Variants in NEURL1 observed in about 807,000 individuals in gnomAD.
The protein encoded by NEURL1 is E3 ubiquitin-protein ligase NEURL1.
In NEURL1, 26 loss-of-function variants were observed where a neutral mutation model predicts 41.2. The observed-to-expected ratio is 0.63, with a 90% CI of 0.46 to 0.87. NEURL1 has a LOEUF of 0.87. NEURL1 is among the 40% of genes least tolerant of loss of function. NEURL1 has a pLI of 0.00. For synonymous variants in NEURL1, 400 were observed against 402.3 expected (o/e 0.99, Z 0.07); for missense variants, 761 against 871.1 (o/e 0.87, Z 1.59).
Position 103,585,127 on chromosome 10 carries a change from A to T in NEURL1, c.1241A>T (p.Asn414Ile). 1.3e-6 allele frequency: 2 copies of T among 1,590,850 alleles called. No homozygotes were observed. Among genetic ancestry groups the T allele is most frequent in the Non-Finnish European group, 1.7e-6 (2 of 1,175,968 alleles). Residue 414 changes from asparagine (N) to isoleucine (I), a missense_variant, in exon 4 of 6, where the codon AAT becomes ATT. Transcript: ENST00000369780. ...NADGELHLSH[N>I]GAAAGMQLCV... ...GACGGCGAGCTGCACCTCAGCCACA[A>T]TGGCGCGGCCGCCGGCATGCAGCTG...
In NEURL1 at chr10:103,591,365, G is replaced by T. The variant is rs1401242768; in HGVS notation, c.*993G>T. On this transcript the variant is annotated 3_prime_UTR_variant, in exon 6 of 6. Transcript: ENST00000369780. ...GGGTGGGGAGGTGTGGGTTCCCTGG[G>T]CCAAGACCAGCCTTTTTCCTCAGTT... 6.6e-6 allele frequency: 1 copy of T among 152,586 alleles called. No homozygotes were observed. Among genetic ancestry groups the T allele is most frequent in the Non-Finnish European group, 1.5e-5 (1 of 68,194 alleles). 9.5% of individuals were successfully genotyped at this position (152,586 alleles called of 1,614,324 possible).
intron 1 of NEURL1, among the ~76,000 whole-genome samples, chr10:103,570,045 GGCCCAAT>G (rs1362223444): frequency 1.2e-4 from 18 of 152,214 alleles, no homozygotes; most frequent in Non-Finnish European, 2.1e-4. Flanking sequence ...TGGGGAGGCA[GGCCCAAT>G]GCCGAGCTCT....
chr10:103,540,993 C>T (rs1448478924), intron 1 of NEURL1, among the ~76,000 whole-genome samples: 2 of 152,204 alleles, frequency 1.3e-5, no homozygotes, highest in African/African-American at 4.8e-5. Flanking sequence ...GGATTTCAGT[C>T]TTCTGCCAGA....
At chr10:103,502,039 C>G (rs1251581013) in intron 1 of NEURL1, among the ~76,000 whole-genome samples, 2 of 152,210 alleles carry the variant, frequency 1.3e-5, no homozygotes, top group East Asian at 3.8e-4. Context: ...GTAACTGGGA[C>G]TGCAGGCGCA....
chr10:103,584,471 A>G, intron 3 of NEURL1, 65 bp from the exon 4 acceptor site: 1 of 1,118,928 alleles, frequency 8.9e-7, no homozygotes, highest in Non-Finnish European at 1.2e-6. Context: ...GGGACCGGAC[A>G]GCGGGGCGCG....
rs1426106165 is a variant in NEURL1, at chr10:103,584,747, G to C, written c.861G>C (p.Pro287=). The change falls in exon 4 of 6, where the codon CCG becomes CCC. Residue 287 remains proline, a synonymous_variant. Coordinates refer to ENST00000369780, the MANE Select transcript of NEURL1 (RefSeq NM_004210.5). The stretch of plus-strand genomic sequence containing the variant: ...ACTCGCAGCACAGCCGCGCGCTGCC[G>C]GCGCAGCTCGACGGCGACCTGCGTT... ...SLNSQHSRAL[P]AQLDGDLRFH... 1 of 1,461,866 alleles carries C rather than the reference G, an allele frequency of 6.8e-7. No homozygotes were observed. The highest frequency in any genetic ancestry group is 2.5e-5 in the Admixed American group (1 of 40,564). The allele number at this position is 1,461,866 out of a possible 1,614,324, so 90.6% of individuals were successfully genotyped here.
At position 103,556,272 on chromosome 10, in the gene NEURL1, G is replaced by A. The variant is rs1384110031; in HGVS notation, c.86-14600G>A. 6.6e-6 allele frequency among the ~76,000 whole-genome samples: 1 copy of A among 152,230 alleles called. No individual in the cohort carries two copies. The highest frequency in any genetic ancestry group is 6.5e-5 in the Admixed American group (1 of 15,292). On this transcript the variant is annotated intron_variant, in intron 1 of 5. Coordinates refer to ENST00000369780, the MANE Select transcript of NEURL1 (RefSeq NM_004210.5). This position sits in a 1 kb window ranked among gnomAD's most constrained non-coding sequence, Gnocchi z 4.4. ...GTCTTGGGAGCGCCATGGCCGATGT[G>A]GCAGCAGACCCGGAGAAGCCTTCCT...
intron 1 of NEURL1, among the ~76,000 whole-genome samples, chr10:103,536,406 TG>T (rs1014036375): frequency 6.6e-6 from 1 of 151,764 alleles, no homozygotes; most frequent in Non-Finnish European, 1.5e-5. Flanking sequence ...TAGCTGGGCG[TG>T]GGGGTGGGCA....
In NEURL1 at chr10:103,496,088, C is replaced by T. The variant is rs186755346; in HGVS notation, c.85+1616C>T. Among the ~76,000 whole-genome samples the T allele has an allele frequency of 8.7e-5, 13 of 149,636 alleles. No individual in the cohort carries two copies. In the East Asian group the frequency reaches 9.8e-4, roughly 11 times the overall value. ...TCGTTCCACTGCACTCCAGCCTGAGCGACAGAGCGAGACTCTGTCTTGCTA... is the reference window on the plus strand; with the variant it reads ...TCGTTCCACTGCACTCCAGCCTGAGTGACAGAGCGAGACTCTGTCTTGCTA... On this transcript the variant is annotated intron_variant, in intron 1 of 5. Transcript: ENST00000369780.
chr10:103,546,801 G>A (rs1156802862), intron 1 of NEURL1, among the ~76,000 whole-genome samples: 1 of 152,260 alleles, frequency 6.6e-6, no homozygotes. Context: ...CCCTTCAGGG[G>A]AGCCAGGTCA....
intron 1 of NEURL1, among the ~76,000 whole-genome samples, chr10:103,559,782 A>G (rs2035241613): frequency 1.3e-5 from 2 of 152,106 alleles, no homozygotes; most frequent in Admixed American, 1.3e-4. Context: ...GCTTTTATGA[A>G]GGTTTTTGTG....
At chr10:103,561,484 G>A (rs1301634660) in intron 1 of NEURL1, among the ~76,000 whole-genome samples, 1 of 152,068 alleles carries the variant, frequency 6.6e-6, no homozygotes, top group African/African-American at 2.4e-5. Context: ...GGCTGGTCTC[G>A]ATCTCCTGAC....
At chr10:103,559,859 T>C (rs79409243) in intron 1 of NEURL1, among the ~76,000 whole-genome samples, 8 of 95,112 alleles carry the variant, frequency 8.4e-5, no homozygotes, top group South Asian at 4.4e-4. Context: ...CACACACACA[T>C]GTACATGTAC....
At chr10:103,553,252 C>T (rs755321959) in intron 1 of NEURL1, among the ~76,000 whole-genome samples, 9 of 152,226 alleles carry the variant, frequency 5.9e-5, no homozygotes, top group Non-Finnish European at 1.3e-4. Flanking sequence ...ATGCGTCACA[C>T]GCTCAGGGCA....
At chr10:103,533,488 G>A (rs772330652) in intron 1 of NEURL1, among the ~76,000 whole-genome samples, 13 of 151,188 alleles carry the variant, frequency 8.6e-5, no homozygotes, top group Admixed American at 6.6e-5. Flanking sequence ...TCCTGCCTCA[G>A]CCTCCTGAGT....
intron 1 of NEURL1, among the ~76,000 whole-genome samples, chr10:103,511,263 CAG>C (rs146259968): frequency 0.043 from 6,476 of 152,242 alleles, 426 homozygotes; most frequent in African/African-American, 0.14. Flanking sequence ...CCCAGGGACA[CAG>C]GGGGAGCTCT....
In NEURL1 at chr10:103,589,530, C is replaced by T. The variant is rs149698804; in HGVS notation, c.1356C>T (p.Ala452=). The change falls in exon 5 of 6, where the codon GCC becomes GCT. Residue 452 remains alanine (A), a synonymous_variant. Coordinates refer to ENST00000369780, the MANE Select transcript of NEURL1 (RefSeq NM_004210.5). The part of the protein sequence containing the change: ...QIRILGSTIL[A]ERGIPSLPCS... ...CTTTCACAGGCTCCACTATCCTGGC[C>T]GAGCGGGGTATCCCATCACTCCCCT... 1.2e-4 allele frequency: 195 copies of T among 1,611,494 alleles called. No individual in the cohort carries two copies. Among genetic ancestry groups the T allele is most frequent in the African/African-American group, 2.0e-4 (15 of 74,874 alleles).
At chr10:103,561,759 G>A (rs1381428792) in intron 1 of NEURL1, among the ~76,000 whole-genome samples, 1 of 152,190 alleles carries the variant, frequency 6.6e-6, no homozygotes, top group African/African-American at 2.4e-5. Flanking sequence ...GGCAAATGCT[G>A]CAGCATTTGA....
At chr10:103,581,949 G>A (rs1354478304) in intron 3 of NEURL1, among the ~76,000 whole-genome samples, 1 of 152,218 alleles carries the variant, frequency 6.6e-6, no homozygotes, top group Non-Finnish European at 1.5e-5. Context: ...TTGCCTGGAA[G>A]TTAGTGAGCA....
Sources: allele counts gnomAD v4.1 joint callset (sites outside exome capture counted in the v4.1 genomes callset), GRCh38; gene constraint gnomAD v4.1.1; non-coding constraint Gnocchi (gnomAD v3.1); transcripts MANE v1.5; gene names NCBI Gene and HGNC (gene_info 2026-07-23, HGNC 2026-07-21).